CCDC38: variants seen among roughly 807,000 people sequenced by gnomAD.
CCDC38 encodes the protein coiled-coil domain containing 38.
A neutral mutation model predicts 72.8 loss-of-function variants in CCDC38; 69 were observed. The observed-to-expected ratio is 0.95, with a 90% CI of 0.78 to 1.16. The LOEUF is 1.16. Ranked by LOEUF, CCDC38 falls within the 50% of genes most tolerant of loss-of-function variation. The pLI, the probability that CCDC38 is intolerant of heterozygous loss-of-function variation, is 0.00. For synonymous variants in CCDC38, 201 were observed against 213.2 expected (o/e 0.94, Z 0.50); for missense variants, 626 against 638.9 (o/e 0.98, Z 0.22).
intron 5 of CCDC38, among the ~76,000 whole-genome samples, chr12:95,900,406 C>T (rs547591444): frequency 4.5e-4 from 69 of 152,144 alleles, no homozygotes; most frequent in South Asian, 4.2e-3. Context: ...TTTATTCAGA[C>T]GAAAACGGAT....
chr12:95,908,069 G>A (rs552023619), intron 4 of CCDC38, among the ~76,000 whole-genome samples: 74 of 152,254 alleles, frequency 4.9e-4, no homozygotes, highest in African/African-American at 1.7e-3. Context: ...TGGCGGCTGG[G>A]CAGAGGCTGC....
intron 10 of CCDC38, among the ~76,000 whole-genome samples, chr12:95,886,349 A>G (rs1245104158): frequency 6.6e-6 from 1 of 152,246 alleles, no homozygotes; most frequent in Non-Finnish European, 1.5e-5. Context: ...ACTTACATGT[A>G]AAACTATAAA....
intron 2 of CCDC38, among the ~76,000 whole-genome samples, chr12:95,922,648 T>C (rs2080221868): frequency 6.6e-6 from 1 of 152,182 alleles, no homozygotes; most frequent in Non-Finnish European, 1.5e-5. Flanking sequence ...AGAGGATTTA[T>C]GGTTAGGCTT....
rs148692141 is a variant in CCDC38, at chr12:95,915,361, A to T, written c.304+1768T>A. On this transcript the variant is annotated intron_variant, in intron 4 of 15. Transcript: ENST00000344280. ...GAGGACATAGAATACTGCAACAGAG[A>T]GTCCTGCAACTATCCCAGGTGTTGT... 2.6e-5 allele frequency among the ~76,000 whole-genome samples: 4 copies of T among 152,356 alleles called. No homozygotes were observed. The East Asian group carries it at 5.8e-4, about 22-fold the overall frequency.
Position 95,879,991 on chromosome 12 carries a change from T to TG in CCDC38, c.991-197dup, listed in dbSNP as rs1467699146. The TG allele has an allele frequency of 2.6e-6, 1 of 382,982 alleles. No homozygotes were observed. Among genetic ancestry groups the TG allele is most frequent in the Admixed American group, 4.1e-5 (1 of 24,634 alleles). 23.7% of individuals were successfully genotyped at this position (382,982 alleles called of 1,614,324 possible). On this transcript the variant is annotated intron_variant, in intron 11 of 15. Coordinates refer to ENST00000344280, the MANE Select transcript of CCDC38 (RefSeq NM_182496.3). The surrounding 1 kb of genome is among the most constrained non-coding windows in gnomAD (Gnocchi z 5.5). ...CAGAAAGAGCACATTTGCAGTGTTG[T>TG]GGGGAGATGAGGGTATTAAAAAAGG...
At chr12:95,878,060 C>T in intron 13 of CCDC38, 151 bp downstream of exon 13, 1 of 849,650 alleles carries the variant, frequency 1.2e-6, no homozygotes, top group Non-Finnish European at 1.8e-6. Context: ...TACATAATGG[C>T]AAGATAAATT....
At chr12:95,881,427 G>T in intron 11 of CCDC38, 58 bp downstream of exon 11, 1 of 1,209,808 alleles carries the variant, frequency 8.3e-7, no homozygotes, top group Non-Finnish European at 1.2e-6. Context: ...AAGAATAAAT[G>T]ATCATCAGTA....
intron 4 of CCDC38, among the ~76,000 whole-genome samples, chr12:95,906,992 C>G (rs1208681502): frequency 6.6e-6 from 1 of 151,290 alleles, no homozygotes; most frequent in East Asian, 1.9e-4. Flanking sequence ...GTTTGTGTCC[C>G]TGGGTACTTG....
intron 9 of CCDC38, among the ~76,000 whole-genome samples, chr12:95,889,856 G>A (rs1445300045): frequency 6.6e-6 from 1 of 152,046 alleles, no homozygotes; most frequent in Non-Finnish European, 1.5e-5. Flanking sequence ...TTCAAGAGAA[G>A]ATAGAAATAC....
At chr12:95,894,868 T>A (rs1466598995) in intron 8 of CCDC38, 121 bp downstream of exon 8, 2 of 793,016 alleles carry the variant, frequency 2.5e-6, no homozygotes, top group Admixed American at 2.6e-5. Context: ...ATAACAGAGA[T>A]AGTGAAAATC....
At chr12:95,936,899 T>TA (rs1167492581) in intron 1 of CCDC38, among the ~76,000 whole-genome samples, 1 of 152,194 alleles carries the variant, frequency 6.6e-6, no homozygotes, top group Non-Finnish European at 1.5e-5. Context: ...TAGTGTGGAT[T>TA]AAAAAATGCA....
intron 3 of CCDC38, among the ~76,000 whole-genome samples, chr12:95,917,761 A>G (rs571468822): frequency 1.3e-5 from 2 of 151,778 alleles, no homozygotes; most frequent in African/African-American, 4.8e-5. Context: ...AGTCACAGCT[A>G]CTCAGGAGGC....
chr12:95,871,008 A>T (rs1042898583), intron 14 of CCDC38, among the ~76,000 whole-genome samples: 16 of 152,248 alleles, frequency 1.1e-4, no homozygotes, highest in Non-Finnish European at 2.1e-4. Flanking sequence ...TCACAAAGTC[A>T]TAAATAGTTG....
At position 95,881,483 on chromosome 12, in the gene CCDC38, A is replaced by T. The variant is rs2079699321; in HGVS notation, c.990+2T>A. On this transcript the variant is annotated splice_donor_variant, in intron 11 of 15. Coordinates refer to ENST00000344280, the MANE Select transcript of CCDC38 (RefSeq NM_182496.3). LOFTEE classifies it high-confidence loss of function. The stretch of plus-strand genomic sequence containing the variant: ...TTAAACTAGCAAATATAATCTGGTT[A>T]CCAAATCAACGTCCATTTCATCATC... 2 of 1,605,442 alleles carry T rather than the reference A, an allele frequency of 1.2e-6. No homozygotes were observed. Among genetic ancestry groups the T allele is most frequent in the Non-Finnish European group, 1.7e-6 (2 of 1,174,876 alleles).
intron 1 of CCDC38, among the ~76,000 whole-genome samples, chr12:95,941,642 T>C (rs1206087393): frequency 6.6e-6 from 1 of 152,228 alleles, no homozygotes; most frequent in African/African-American, 2.4e-5. Flanking sequence ...ATGTAACTGA[T>C]TAAAGTCTTC....
intron 2 of CCDC38, 103 bp from the exon 3 acceptor site, chr12:95,919,079 G>C: frequency 2.8e-6 from 2 of 717,818 alleles, no homozygotes; most frequent in Non-Finnish European, 4.8e-6. Context: ...TGGGATGCAG[G>C]GATCTCTGAG....
chr12:95,937,811 C>T (rs1358735054), intron 1 of CCDC38, among the ~76,000 whole-genome samples: 1 of 152,158 alleles, frequency 6.6e-6, no homozygotes, highest in Non-Finnish European at 1.5e-5. Flanking sequence ...TGAGTACCTA[C>T]TATGTGTCAG....
At chr12:95,873,189 C>T (rs370901040) in intron 13 of CCDC38, among the ~76,000 whole-genome samples, 19 of 152,154 alleles carry the variant, frequency 1.2e-4, no homozygotes, top group African/African-American at 3.9e-4. Flanking sequence ...GTTATAATTG[C>T]GAAACTATAA....
chr12:95,919,628 A>C (rs1172001089), intron 2 of CCDC38: 1 of 456,002 alleles, frequency 2.2e-6, no homozygotes, highest in South Asian at 1.5e-5. Context: ...TTACTGCTTC[A>C]TGAGGAATGA....
Sources: gnomAD v4.1 joint callset for allele counts (sites outside exome capture counted in the v4.1 genomes callset) on GRCh38, gnomAD v4.1.1 for gene constraint, Gnocchi (gnomAD v3.1) non-coding constraint, MANE v1.5 for transcripts, NCBI Gene and HGNC (gene_info 2026-07-23, HGNC 2026-07-21) for gene names.